Variants in PPP2R5C observed in about 807,000 individuals in gnomAD.
The protein encoded by PPP2R5C is protein phosphatase 2 regulatory subunit B'gamma.
PPP2R5C carries 7 observed loss-of-function variants against 68.9 expected under a neutral mutation model. The observed-to-expected ratio is 0.10, with a 90% CI of 0.06 to 0.19. The LOEUF (loss-of-function observed/expected upper bound fraction) is 0.19. PPP2R5C is among the 10% of genes least tolerant of loss of function. The pLI, the probability that PPP2R5C is intolerant of heterozygous loss-of-function variation, is 1.00. For synonymous variants in PPP2R5C, 210 were observed against 222.2 expected (o/e 0.95, Z 0.49); for missense variants, 348 against 641.3 (o/e 0.54, Z 4.94).
chr14:101,807,280 T>A (rs2039115409), upstream of PPP2R5C, among the ~76,000 whole-genome samples: 1 of 152,256 alleles, frequency 6.6e-6, no homozygotes, highest in Admixed American at 6.5e-5. Flanking sequence ...ATATACTCTT[T>A]ATTATATTAC....
intron 5 of PPP2R5C, chr14:101,889,873 A>C (rs752803614): frequency 7.2e-6 from 3 of 418,094 alleles, no homozygotes; most frequent in Non-Finnish European, 1.4e-5. Flanking sequence ...AACGAGTAAA[A>C]GATGGATGAA....
chr14:101,860,525 T>C (rs2042682934), intron 2 of PPP2R5C, among the ~76,000 whole-genome samples: 1 of 152,244 alleles, frequency 6.6e-6, no homozygotes, highest in African/African-American at 2.4e-5. Context: ...TATGAACGTG[T>C]GTTTTCGTAT....
chr14:101,837,353 G>C (rs901127955), intron 1 of PPP2R5C, among the ~76,000 whole-genome samples: 1 of 152,024 alleles, frequency 6.6e-6, no homozygotes, highest in Non-Finnish European at 1.5e-5. Context: ...CTCCATGTCA[G>C]TCAGGCTAGT....
intron 1 of PPP2R5C, chr14:101,824,250 A>G (rs575294107): frequency 1.8e-6 from 2 of 1,111,624 alleles, no homozygotes; most frequent in South Asian, 3.1e-5. Context: ...TATTCTTTTT[A>G]TTCGTAATGA....
At chr14:101,778,434 T>C (rs1277498092) in intron 2 of PPP2R5C, among the ~76,000 whole-genome samples, 3 of 152,220 alleles carry the variant, frequency 2.0e-5, no homozygotes, top group Non-Finnish European at 4.4e-5. Context: ...CTGTTTTCTT[T>C]TTAGTTGCTT....
intron 7 of PPP2R5C, 85 bp downstream of exon 9, chr14:101,893,193 G>C: frequency 2.1e-6 from 2 of 939,818 alleles, no homozygotes; most frequent in Non-Finnish European, 3.3e-6. Context: ...CCTTGACTGA[G>C]AGTGCTTTCT....
chr14:101,890,268 A>G (rs2044781607), exon 6 of PPP2R5C: 1 of 1,613,876 alleles, frequency 6.2e-7, no homozygotes, highest in African/African-American at 1.3e-5. Context: ...TCATAATGGC[A>G]TAGCAGAGTT....
chr14:101,824,168 T>C, intron 1 of PPP2R5C: 13 of 1,272,514 alleles, frequency 1.0e-5, no homozygotes, highest in Non-Finnish European at 1.3e-5. Context: ...AGTATTTTCG[T>C]GGTAAACGTA....
chr14:101,825,269 TA>T lies in PPP2R5C; in HGVS notation c.94+15240del, dbSNP rs991581677. ...GTGTGTTGATGAATTTATTACTTAT[TA>T]AAAAAATGTAAAGAAGGCATAGCAT... On this transcript the variant is annotated intron_variant, in intron 1 of 13. Transcript: ENST00000334743. The surrounding 1 kb of genome is among the most constrained non-coding windows in gnomAD (Gnocchi z 4.0). 2.0e-5 allele frequency among the ~76,000 whole-genome samples: 3 copies of T among 150,876 alleles called. No individual in the cohort carries two copies. The highest frequency in any genetic ancestry group is 4.4e-5 in the Non-Finnish European group (3 of 67,766).
intron 2 of PPP2R5C, among the ~76,000 whole-genome samples, chr14:101,764,821 G>A (rs200956886): frequency 9.1e-6 from 1 of 109,918 alleles, no homozygotes; most frequent in South Asian, 2.6e-4. Context: ...TTTTTTTTTG[G>A]TCTTTTGATC....
intron 1 of PPP2R5C, among the ~76,000 whole-genome samples, chr14:101,849,002 A>G (rs1393581185): frequency 6.6e-6 from 1 of 152,204 alleles, no homozygotes; most frequent in Admixed American, 6.5e-5. Flanking sequence ...TTCTTCCTAT[A>G]AATGAAATTA....
At chr14:101,910,755 C>G (rs1278224313) in intron 11 of PPP2R5C, among the ~76,000 whole-genome samples, 1 of 151,264 alleles carries the variant, frequency 6.6e-6, no homozygotes, top group African/African-American at 2.4e-5. Context: ...ATCACGAGGT[C>G]AGGAGATCGA....
At chr14:101,878,431 GCTGA>G (rs1270529612) in intron 2 of PPP2R5C, among the ~76,000 whole-genome samples, 1 of 152,224 alleles carries the variant, frequency 6.6e-6, no homozygotes, top group African/African-American at 2.4e-5. Flanking sequence ...TAGCTGCTGG[GCTGA>G]CTGTCACTGT....
chr14:101,762,868 G>C lies in PPP2R5C; in HGVS notation c.28-37G>C, dbSNP rs76793283. 11 of 1,542,206 alleles carry C rather than the reference G, an allele frequency of 7.1e-6. No individual in the cohort carries two copies. The South Asian group carries it at 1.3e-4, about 18-fold the overall frequency. On this transcript the variant is annotated intron_variant, in intron 1 of 14. Transcript: ENST00000328724. ...TATCTGATGTTTACCTGTCTAAAAA[G>C]TGAGAAGACTAATTGACTTTGCTTG...
At chr14:101,858,328 T>C (rs1211397620) in intron 2 of PPP2R5C, among the ~76,000 whole-genome samples, 1 of 152,152 alleles carries the variant, frequency 6.6e-6, no homozygotes, top group Non-Finnish European at 1.5e-5. Flanking sequence ...TTTTATAATC[T>C]TTTTTCTTTT....
chr14:101,829,402 C>A (rs1397591836), intron 1 of PPP2R5C, among the ~76,000 whole-genome samples: 1 of 152,060 alleles, frequency 6.6e-6, no homozygotes, highest in African/African-American at 2.4e-5. Flanking sequence ...ATTTATAGGT[C>A]TTACCAGGCA....
At position 101,821,206 on chromosome 14, in the gene PPP2R5C, CTCT is replaced by C. The variant is rs2040031612; in HGVS notation, c.94+11172_94+11174del. 3 of 152,254 alleles carry C rather than the reference CTCT, an allele frequency of 2.0e-5. No homozygotes were observed. The South Asian group carries it at 6.2e-4, about 32-fold the overall frequency. 9.4% of individuals were successfully genotyped at this position (152,254 alleles called of 1,614,324 possible). A position where few individuals can be genotyped will look rare whatever the true frequency, so the allele number is the denominator to read the frequency against. On this transcript the variant is annotated intron_variant, in intron 1 of 13. Transcript: ENST00000334743. ...GGAGCCCACCTAACCCTGAGCCTTCCTCTTGCCTTGGTCAGTTTCCTTCTTTGT... is the reference window on the plus strand; with the variant it reads ...GGAGCCCACCTAACCCTGAGCCTTCCTGCCTTGGTCAGTTTCCTTCTTTGT...
chr14:101,859,926 T>A (rs2042655534), intron 2 of PPP2R5C, among the ~76,000 whole-genome samples: 2 of 152,108 alleles, frequency 1.3e-5, no homozygotes, highest in Admixed American at 6.5e-5. Context: ...TTTTTTTTTT[T>A]TGAAGAATCC....
rs2043981038 is a variant in PPP2R5C at position 101,879,070 on chromosome 14, G to A, written c.295-3091G>A. Among the ~76,000 whole-genome samples, 1 of 152,234 alleles carries A rather than the reference G, an allele frequency of 6.6e-6. No individual in the cohort carries two copies. The highest frequency in any genetic ancestry group is 1.5e-5 in the Non-Finnish European group (1 of 68,042). ...TTAAAGCTTTCATCTCAGACCCTCT[G>A]CAAATGGCATCTAAGCCGCACCCCA... On this transcript the variant is annotated intron_variant, in intron 2 of 13. Transcript: ENST00000334743. The surrounding 1 kb of genome is among the most constrained non-coding windows in gnomAD (Gnocchi z 4.2).
Sources: allele counts gnomAD v4.1 joint callset (sites outside exome capture counted in the v4.1 genomes callset), GRCh38; gene constraint gnomAD v4.1.1; non-coding constraint Gnocchi (gnomAD v3.1); transcripts MANE v1.5; gene names NCBI Gene and HGNC (gene_info 2026-07-23, HGNC 2026-07-21).